The following HSP90AB1 variants were observed in gnomAD, a reference collection of about 807,000 sequenced individuals.
The protein encoded by HSP90AB1 is heat shock protein HSP 90-beta.
Under a neutral mutation model 67.8 loss-of-function variants are expected in HSP90AB1, and 17 were observed. The observed-to-expected ratio is 0.25, with a 90% CI of 0.17 to 0.38. The LOEUF is 0.38. Among genes scored for constraint, HSP90AB1 ranks in the 10% least tolerant of loss-of-function variants. The pLI, the probability that HSP90AB1 is intolerant of heterozygous loss-of-function variation, is 1.00. For synonymous variants in HSP90AB1, 390 were observed against 312.9 expected (o/e 1.25, Z -2.60); for missense variants, 690 against 899.9 (o/e 0.77, Z 2.98).
chr6:44,249,628 T>A, intron 3 of HSP90AB1, 45 bp downstream of exon 3: 1 of 1,610,974 alleles, frequency 6.2e-7, no homozygotes, highest in Non-Finnish European at 8.5e-7. Flanking sequence ...TGTTCTTTGG[T>A]TTTTTGCTTC....
At chr6:44,248,872 T>C (rs990039583) in intron 2 of HSP90AB1, 96 bp downstream of exon 2, 1 of 1,078,564 alleles carries the variant, frequency 9.3e-7, no homozygotes, top group African/African-American at 1.6e-5. Flanking sequence ...GGGACTACTA[T>C]TGAAGGGGGT....
At chr6:44,248,460 T>C (rs1780238088) in intron 1 of HSP90AB1, among the ~76,000 whole-genome samples, 170 bp from the exon 2 acceptor site, 1 of 152,222 alleles carries the variant, frequency 6.6e-6, no homozygotes, top group African/African-American at 2.4e-5. Flanking sequence ...CCACTTAGTG[T>C]GTAGTCTGAG....
At chr6:44,249,333 C>A (rs1308085500) in intron 2 of HSP90AB1, 44 bp from the exon 3 acceptor site, 32 of 1,500,236 alleles carry the variant, frequency 2.1e-5, no homozygotes, top group Non-Finnish European at 2.9e-5. Flanking sequence ...GAGCAAGAGT[C>A]TGTCTTGGAA....
In HSP90AB1 at chr6:44,249,692, C is replaced by T. The variant is rs1226556900; in HGVS notation, c.372C>T (p.Ser124=). 6.2e-7 allele frequency: 1 copy of T among 1,613,420 alleles called. No individual in the cohort carries two copies. Among genetic ancestry groups the T allele is most frequent in the Non-Finnish European group, 8.5e-7 (1 of 1,179,760 alleles). ...MEALQAGADI[S]MIGQFGVGFY... Reference sequence around the variant, plus strand: ...GTTGGCAGGCTGGTGCAGACATCTCCATGATTGGGCAGTTTGGTGTTGGCT... The same window carrying T: ...GTTGGCAGGCTGGTGCAGACATCTCTATGATTGGGCAGTTTGGTGTTGGCT... The change falls in exon 4 of 12, where the codon TCC becomes TCT. Residue 124 remains serine, a synonymous_variant. Coordinates refer to ENST00000371646, the MANE Select transcript of HSP90AB1 (RefSeq NM_007355.4).
Position 44,252,090 on chromosome 6 carries a change from C to G in HSP90AB1, c.1554C>G (p.Asp518Glu), listed in dbSNP as rs767688306. Residue 518 changes from aspartate (D) to glutamate (E), a missense_variant, in exon 10 of 12, where the codon GAC becomes GAG. By Grantham distance (45) the Asp-to-Glu change is conservative. This residue lies in a region of HSP90AB1 where 206 missense variants were observed against 221.4 expected (regional missense o/e 0.93). Coordinates refer to ENST00000371646, the MANE Select transcript of HSP90AB1 (RefSeq NM_007355.4). ...TGGTATATATGACCGAGCCCATTGA[C>G]GAGTACTGTGTGCAGCAGCTCAAGG... ...FEVVYMTEPI[D>E]EYCVQQLKEF... 7 of 1,614,134 alleles carry G rather than the reference C, an allele frequency of 4.3e-6. No individual in the cohort carries two copies. Among genetic ancestry groups the G allele is most frequent in the Non-Finnish European group, 5.9e-6 (7 of 1,180,034 alleles).
chr6:44,252,205 A>G lies in HSP90AB1; in HGVS notation c.1669A>G (p.Lys557Glu). The change falls in exon 10 of 12, where the codon AAG becomes GAG. Residue 557 changes from lysine (K) to glutamate (E), a missense_variant. Lys to Glu is a moderately conservative substitution (Grantham distance 56, BLOSUM62 1). Coordinates refer to ENST00000371646, the MANE Select transcript of HSP90AB1 (RefSeq NM_007355.4). ...EEEKKKMEES[K>E]AKFENLCKLM... ...GGAGAAGAAGAAGATGGAAGAGAGC[A>G]AGGCAAAGTTTGAGAACCTCTGCAA... 2 of 1,614,224 alleles carry G rather than the reference A, an allele frequency of 1.2e-6. No individual in the cohort carries two copies. The highest frequency in any genetic ancestry group is 1.7e-6 in the Non-Finnish European group (2 of 1,180,032).
At chr6:44,250,707 G>A (rs1211139763) in intron 6 of HSP90AB1, 108 bp downstream of exon 6, 1 of 687,452 alleles carries the variant, frequency 1.5e-6, no homozygotes, top group East Asian at 2.6e-5. Flanking sequence ...ACTGATAACA[G>A]AAATGTGATA....
chr6:44,250,181 C>G, intron 5 of HSP90AB1, 27 bp downstream of exon 5: 2 of 1,613,906 alleles, frequency 1.2e-6, no homozygotes, highest in Non-Finnish European at 1.7e-6. Context: ...AAATCTTTTA[C>G]ACTTAACGTG....
chr6:44,249,592 G>C lies in HSP90AB1; in HGVS notation c.354+9G>C, dbSNP rs1409065571. The C allele has an allele frequency of 1.2e-6, 2 of 1,613,312 alleles. No homozygotes were observed. The highest frequency in any genetic ancestry group is 1.1e-5 in the South Asian group (1 of 91,076). On this transcript the variant is annotated intron_variant, in intron 3 of 11. Transcript: ENST00000371646. ...TCATGGAGGCTCTTCAGGTATTGCA[G>C]TTCTGTAGGCATTCATACTTATCTG...
Position 44,249,921 on chromosome 6 carries a change from A to G in HSP90AB1, c.514+87A>G. On this transcript the variant is annotated intron_variant, in intron 4 of 11. Coordinates refer to ENST00000371646, the MANE Select transcript of HSP90AB1 (RefSeq NM_007355.4). The stretch of plus-strand genomic sequence containing the variant: ...CAGAAATTTTGGGCATCCTGTCTGT[A>G]AAGCAGTTCTTCACAGCAGTTCTGC... 3.8e-6 allele frequency: 6 copies of G among 1,582,312 alleles called. No homozygotes were observed. The Admixed American group carries it at 1.0e-4, about 27-fold the overall frequency.
chr6:44,250,255 T>G, intron 5 of HSP90AB1, 36 bp from the exon 6 acceptor site: 1 of 1,611,328 alleles, frequency 6.2e-7, no homozygotes, highest in Non-Finnish European at 8.5e-7. Flanking sequence ...GGTAGTGTTT[T>G]GTACTCCAAG....
chr6:44,251,236 T>G (rs1780602456), intron 7 of HSP90AB1, 23 bp downstream of exon 7: 1 of 1,613,234 alleles, frequency 6.2e-7, no homozygotes, highest in Non-Finnish European at 8.5e-7. Context: ...TTGGCCTAAT[T>G]TAGTTGGGTG....
rs577679391 is a variant in HSP90AB1 at position 44,249,975 on chromosome 6, G to A, written c.515-46G>A. ...TACTTACTAATTGCTGGTCTCAACT[G>A]CATATACTTTTTACCCTGTTACACG... On this transcript the variant is annotated intron_variant, in intron 4 of 11. Coordinates refer to ENST00000371646, the MANE Select transcript of HSP90AB1 (RefSeq NM_007355.4). 4 of 1,610,768 alleles carry A rather than the reference G, an allele frequency of 2.5e-6. No homozygotes were observed. The African/African-American group carries it at 4.0e-5, about 16-fold the overall frequency.
Position 44,251,195 on chromosome 6 carries a change from T to A in HSP90AB1, c.1105T>A (p.Leu369Met). The A allele has an allele frequency of 1.2e-6, 2 of 1,614,200 alleles. No individual in the cohort carries two copies. Among genetic ancestry groups the A allele is most frequent in the Non-Finnish European group, 1.7e-6 (2 of 1,180,020 alleles). Residue 369 changes from leucine (L) to methionine (M), a missense_variant, in exon 7 of 12, where the codon TTG (leucine) becomes ATG (methionine). This residue lies in a region of HSP90AB1 where 101 missense variants were observed against 174.8 expected (regional missense o/e 0.58). Coordinates refer to ENST00000371646, the MANE Select transcript of HSP90AB1 (RefSeq NM_007355.4). ...RVFIMDSCDE[L>M]IPEYLNFIRG... Reference sequence around the variant, plus strand: ...GTTCATCATGGACAGCTGTGATGAGTTGATACCAGAGTATCTCAGTGAGTA... The same window carrying A: ...GTTCATCATGGACAGCTGTGATGAGATGATACCAGAGTATCTCAGTGAGTA...
chr6:44,248,139 C>A (rs1194150681), intron 1 of HSP90AB1: 1 of 154,800 alleles, frequency 6.5e-6, no homozygotes, highest in East Asian at 1.9e-4. Context: ...GAGTGTCCCG[C>A]CCTTGGACTG....
At chr6:44,249,213 C>T (rs1193347163) in intron 2 of HSP90AB1, among the ~76,000 whole-genome samples, 164 bp from the exon 3 acceptor site, 2 of 152,174 alleles carry the variant, frequency 1.3e-5, no homozygotes, top group Non-Finnish European at 2.9e-5. Flanking sequence ...TGGCATGTGC[C>T]TGTAGTCCCA....
chr6:44,250,242 C>A lies in HSP90AB1; in HGVS notation c.649-49C>A, dbSNP rs946624322. 3.7e-6 allele frequency: 6 copies of A among 1,610,310 alleles called. No individual in the cohort carries two copies. In the Admixed American group the frequency reaches 6.7e-5, roughly 18 times the overall value. On this transcript the variant is annotated intron_variant, in intron 5 of 11. Transcript: ENST00000371646. ...CTCATTGTCCCTGGCTTTTGCTTTC[C>A]CTGGTAGTGTTTTGTACTCCAAGGC...
intron 1 of HSP90AB1, 97 bp from the exon 2 acceptor site, chr6:44,248,533 A>G: frequency 2.6e-6 from 3 of 1,132,120 alleles, no homozygotes; most frequent in Non-Finnish European, 3.8e-6. Context: ...ACCAGTCTGA[A>G]CTCACTGTCT....
rs55708875 is a variant in HSP90AB1 at position 44,251,627 on chromosome 6, C to CTT, written c.1314+20_1314+21dup. 339 of 1,591,122 alleles carry CTT rather than the reference C, an allele frequency of 2.1e-4. 3 individuals carry two copies. The East Asian group carries it at 7.5e-3, about 35-fold the overall frequency. ...TCTCAAGGTAAAAAGGCAAATAATG[C>CTT]TTATTCCCTTTACCACTTTCTTAGT... On this transcript the variant is annotated intron_variant, in intron 8 of 11. Transcript: ENST00000371646.
Sources: gnomAD v4.1 joint callset for allele counts (sites outside exome capture counted in the v4.1 genomes callset) on GRCh38, gnomAD v4.1.1 for gene constraint, gnomAD v4.1.1 regional missense constraint, MANE v1.5 for transcripts, NCBI Gene and HGNC (gene_info 2026-07-23, HGNC 2026-07-21) for gene names.